Variants in ZNF106 observed in about 807,000 individuals in gnomAD.
The protein encoded by ZNF106 is zinc finger protein 106.
Under a neutral mutation model 195.1 loss-of-function variants are expected in ZNF106, and 67 were observed. The ratio of observed to expected loss-of-function variants is 0.34; its 90% confidence interval spans 0.28 to 0.42. The LOEUF (loss-of-function observed/expected upper bound fraction) is 0.42, where lower values mean the gene tolerates loss of function less well. Ranked by LOEUF, ZNF106 falls within the 10% of genes least tolerant of loss-of-function variation. The probability of loss-of-function intolerance (pLI) is 1.00; values close to 1 mark genes in which losing one functional copy is unlikely to be tolerated. For missense variants in ZNF106, 2,118 were observed against 2,304.5 expected (o/e 0.92, Z 1.66); for synonymous variants, 784 against 818.6 (o/e 0.96, Z 0.72).
chr15:42,424,156 A>G, intron 16 of ZNF106, 96 bp from the exon 17 acceptor site: 2 of 1,064,444 alleles, frequency 1.9e-6, no homozygotes, highest in Non-Finnish European at 2.7e-6. Flanking sequence ...TTTCCATCCT[A>G]TTTTGAGATG....
At chr15:42,421,251 A>C in intron 19 of ZNF106, 119 bp from the exon 20 acceptor site, 3 of 866,470 alleles carry the variant, frequency 3.5e-6, no homozygotes, top group Non-Finnish European at 5.7e-6. Flanking sequence ...CTAAATCAAA[A>C]CCAGCTCCAG....
chr15:42,449,862 T>G lies in ZNF106; in HGVS notation c.2410A>C (p.Ile804Leu). 1 of 1,614,210 alleles carries G rather than the reference T, an allele frequency of 6.2e-7. No individual in the cohort carries two copies. Among genetic ancestry groups the G allele is most frequent in the Admixed American group, 1.7e-5 (1 of 60,022 alleles). Residue 804 changes from isoleucine (I) to leucine (L), a missense_variant, in exon 5 of 22, where the codon ATT becomes CTT. Ile to Leu is a conservative substitution (Grantham distance 5). Coordinates refer to ENST00000564754, the MANE Select transcript of ZNF106 (RefSeq NM_001366845.3). Reference sequence around the variant, plus strand: ...ACATTTCTCCGAGATGCATTTAGAATCTGCCGTAGGGTTGGCTTGAGCCCA... The same window carrying G: ...ACATTTCTCCGAGATGCATTTAGAAGCTGCCGTAGGGTTGGCTTGAGCCCA... ...ESGLKPTLRQ[I>L]LNASRRNVNW...
At chr15:42,490,418 CA>C (rs909749658) in intron 1 of ZNF106, 5 of 152,054 alleles carry the variant, frequency 3.3e-5, no homozygotes, top group African/African-American at 1.2e-4. Context: ...GATGATTACA[CA>C]ACAAATTGAA....
rs1239786565 is a variant in ZNF106 at position 42,466,438 on chromosome 15, A to C, written c.55-324T>G. 5.3e-5 allele frequency among the ~76,000 whole-genome samples: 8 copies of C among 152,302 alleles called. No individual in the cohort carries two copies. In the East Asian group the frequency reaches 1.5e-3, roughly 29 times the overall value. On this transcript the variant is annotated intron_variant, in intron 2 of 21. Transcript: ENST00000564754. ...TCTATCCCATTATAAAGAATTTACT[A>C]AAGTTCATTTAAAAAAAAAACCTTT...
chr15:42,438,085 C>T (rs1401774970), intron 12 of ZNF106, among the ~76,000 whole-genome samples: 1 of 151,380 alleles, frequency 6.6e-6, no homozygotes, highest in Admixed American at 6.6e-5. Flanking sequence ...ATAAGGGAGC[C>T]GGATAAGACA....
At chr15:42,465,940 G>T (rs569615698) in intron 3 of ZNF106, 113 bp downstream of exon 3, 7 of 789,044 alleles carry the variant, frequency 8.9e-6, no homozygotes, top group South Asian at 4.5e-5. Flanking sequence ...GTTGTTCTAC[G>T]CCATAAGACA....
chr15:42,476,804 G>A (rs1342535015), intron 1 of ZNF106, among the ~76,000 whole-genome samples: 4 of 152,036 alleles, frequency 2.6e-5, no homozygotes, highest in African/African-American at 7.2e-5. Context: ...CCTGCGAACC[G>A]CAAACCTGTG....
intron 2 of ZNF106, among the ~76,000 whole-genome samples, chr15:42,470,200 A>T (rs1234974950): frequency 1.3e-5 from 2 of 152,178 alleles, no homozygotes; most frequent in Non-Finnish European, 2.9e-5. Context: ...TTTTATGTTA[A>T]TGGGCCTCAG....
rs762605010 is a variant in ZNF106, at chr15:42,438,578, G to A, written c.4600+34C>T. Reference sequence around the variant, plus strand: ...TAATATTTACAAGGCTTTTAATTCTGTGGTTAACTTAAATAAAACTGAACA... The same window carrying A: ...TAATATTTACAAGGCTTTTAATTCTATGGTTAACTTAAATAAAACTGAACA... On this transcript the variant is annotated intron_variant, in intron 12 of 21. Coordinates refer to ENST00000564754, the MANE Select transcript of ZNF106 (RefSeq NM_001366845.3). 10 of 1,570,578 alleles carry A rather than the reference G, an allele frequency of 6.4e-6. No homozygotes were observed. The South Asian group carries it at 1.1e-4, about 18-fold the overall frequency.
At chr15:42,464,152 CA>C (rs1266497734) in intron 3 of ZNF106, among the ~76,000 whole-genome samples, 1 of 151,964 alleles carries the variant, frequency 6.6e-6, no homozygotes, top group Non-Finnish European at 1.5e-5. Context: ...TCAGTCTGAC[CA>C]ACATGGTGAA....
chr15:42,440,997 AAATAT>A (rs1457814584), intron 10 of ZNF106, among the ~76,000 whole-genome samples: 2 of 51,638 alleles, frequency 3.9e-5, no homozygotes, highest in East Asian at 1.1e-3. Context: ...AAAAAAAAAA[AAATAT>A]ATATATATAT....
At chr15:42,486,788 T>TTA (rs138179604) in intron 1 of ZNF106, among the ~76,000 whole-genome samples, 17,803 of 151,692 alleles carry the variant, frequency 0.12, 1,145 homozygotes, top group Non-Finnish European at 0.15. Flanking sequence ...TGAGGACTTG[T>TTA]TATATATATA....
chr15:42,483,153 C>A (rs866865887), intron 1 of ZNF106, among the ~76,000 whole-genome samples: 2 of 150,820 alleles, frequency 1.3e-5, no homozygotes, highest in Non-Finnish European at 2.9e-5. Flanking sequence ...TGTTAACTCC[C>A]CGCTAGAATC....
At chr15:42,470,210 G>A (rs2056634162) in intron 2 of ZNF106, among the ~76,000 whole-genome samples, 1 of 152,062 alleles carries the variant, frequency 6.6e-6, no homozygotes. Context: ...ATGGGCCTCA[G>A]GATACTCAGG....
chr15:42,468,919 G>C (rs1348952508), intron 2 of ZNF106, among the ~76,000 whole-genome samples: 1 of 151,916 alleles, frequency 6.6e-6, no homozygotes, highest in Non-Finnish European at 1.5e-5. Flanking sequence ...GGGCACGGTG[G>C]CTCACGCCTA....
intron 18 of ZNF106, among the ~76,000 whole-genome samples, 200 bp downstream of exon 18, chr15:42,422,301 C>A (rs925651845): frequency 1.3e-5 from 2 of 151,816 alleles, no homozygotes; most frequent in Admixed American, 6.6e-5. Context: ...AGTTTTGACA[C>A]CCATGACCCA....
In ZNF106 at chr15:42,433,046, G is replaced by A. The variant is rs762423889; in HGVS notation, c.4881+2338C>T. Among the ~76,000 whole-genome samples, 99 of 152,084 alleles carry A rather than the reference G, an allele frequency of 6.5e-4. 1 individual carries two copies. The highest frequency in any genetic ancestry group is 1.2e-3 in the Non-Finnish European group (84 of 67,970). Reference sequence around the variant, plus strand: ...CCAATTTGCTATTTGCTTTCTATTTGTCTCATTTTTATTCCTCTATTTCTC... The same window carrying A: ...CCAATTTGCTATTTGCTTTCTATTTATCTCATTTTTATTCCTCTATTTCTC... On this transcript the variant is annotated intron_variant, in intron 14 of 21. Transcript: ENST00000564754.
chr15:42,454,804 T>A (rs1395043473), intron 4 of ZNF106, among the ~76,000 whole-genome samples: 1 of 150,422 alleles, frequency 6.6e-6, no homozygotes, highest in Non-Finnish European at 1.5e-5. Context: ...GAGGTTGAGG[T>A]GGGAGGACTG....
chr15:42,428,310 A>G (rs113744762), intron 14 of ZNF106, among the ~76,000 whole-genome samples, 176 bp from the exon 15 acceptor site: 7 of 152,176 alleles, frequency 4.6e-5, no homozygotes, highest in African/African-American at 1.7e-4. Context: ...GAGGCCTAAG[A>G]CTTCCAAGCT....
Sources: allele counts gnomAD v4.1 joint callset (sites outside exome capture counted in the v4.1 genomes callset), GRCh38; gene constraint gnomAD v4.1.1; transcripts MANE v1.5; gene names NCBI Gene and HGNC (gene_info 2026-07-23, HGNC 2026-07-21).